Variants in PLCE1 observed in about 807,000 individuals in gnomAD.
PLCE1 encodes 1-phosphatidylinositol 4,5-bisphosphate phosphodiesterase epsilon-1.
In PLCE1, 119 loss-of-function variants were observed where a neutral mutation model predicts 242.8. That is an observed-to-expected ratio of 0.49 (90% CI 0.42 to 0.57). The LOEUF (loss-of-function observed/expected upper bound fraction) is 0.57, where lower values mean the gene tolerates loss of function less well. Ranked by LOEUF, PLCE1 falls within the 20% of genes least tolerant of loss-of-function variation. The pLI, the probability that PLCE1 is intolerant of heterozygous loss-of-function variation, is 0.00. For synonymous variants in PLCE1, 945 were observed against 1,017.4 expected (o/e 0.93, Z 1.35); for missense variants, 2,441 against 2,788.8 (o/e 0.88, Z 2.81).
At chr10:94,170,969 C>T (rs753952910) in intron 3 of PLCE1, among the ~76,000 whole-genome samples, 7 of 152,100 alleles carry the variant, frequency 4.6e-5, no homozygotes, top group African/African-American at 7.2e-5. Context: ...CCACCACCAC[C>T]GCCACTCCAC....
intron 4 of PLCE1, among the ~76,000 whole-genome samples, chr10:94,182,884 G>T (rs2048356402): frequency 6.6e-6 from 1 of 152,158 alleles, no homozygotes; most frequent in South Asian, 2.1e-4. Flanking sequence ...GAGACTGGTA[G>T]AAACAATAAT....
intron 4 of PLCE1, among the ~76,000 whole-genome samples, chr10:94,172,163 C>T (rs971110249): frequency 6.0e-4 from 92 of 152,224 alleles, no homozygotes; most frequent in African/African-American, 2.0e-3. Flanking sequence ...ACTGGGAGAT[C>T]AAGAGCCACT....
rs2051771196 is a variant in PLCE1, at chr10:94,272,199, C to T, written c.4507-1363C>T. On this transcript the variant is annotated intron_variant, in intron 18 of 32. Transcript: ENST00000371380. Reference sequence around the variant, plus strand: ...CAGGAGACCAGGGCATGTCTCAGTCCTTATCTCAACTGCATAGGACAGACA... The same window carrying T: ...CAGGAGACCAGGGCATGTCTCAGTCTTTATCTCAACTGCATAGGACAGACA... Among the ~76,000 whole-genome samples, 3 of 152,146 alleles carry T rather than the reference C, an allele frequency of 2.0e-5. No homozygotes were observed. The South Asian group carries it at 6.2e-4, about 32-fold the overall frequency.
chr10:94,226,548 T>G (rs2049946191), intron 4 of PLCE1, among the ~76,000 whole-genome samples: 1 of 152,174 alleles, frequency 6.6e-6, no homozygotes, highest in African/African-American at 2.4e-5. Flanking sequence ...TTGAGGGGCA[T>G]AATAGATAAA....
chr10:94,325,836 T>G (rs1263220287), intron 32 of PLCE1, among the ~76,000 whole-genome samples: 1 of 152,164 alleles, frequency 6.6e-6, no homozygotes, highest in Non-Finnish European at 1.5e-5. Context: ...TCTCGTTTTA[T>G]TACTGTTCTA....
chr10:94,195,658 C>G (rs1431809098), intron 4 of PLCE1, among the ~76,000 whole-genome samples: 1 of 152,052 alleles, frequency 6.6e-6, no homozygotes, highest in Non-Finnish European at 1.5e-5. Context: ...TCTTAGAAAT[C>G]CTTAAGAAAG....
chr10:94,242,208 T>G (rs1385897249), intron 7 of PLCE1, among the ~76,000 whole-genome samples: 1 of 152,250 alleles, frequency 6.6e-6, no homozygotes, highest in Admixed American at 6.5e-5. Context: ...GATTTTTTTC[T>G]TATTTCACTT....
intron 1 of PLCE1, among the ~76,000 whole-genome samples, chr10:94,009,714 C>T (rs547432576): frequency 1.7e-4 from 26 of 152,290 alleles, no homozygotes; most frequent in Admixed American, 2.6e-4. Flanking sequence ...GCAAGAAGCC[C>T]GAAGCAAATC....
chr10:94,212,103 C>T (rs192709655), intron 4 of PLCE1, among the ~76,000 whole-genome samples: 21 of 152,180 alleles, frequency 1.4e-4, no homozygotes, highest in African/African-American at 4.6e-4. Context: ...ATTTAGGAGA[C>T]TGAGTCTCCC....
intron 1 of PLCE1, among the ~76,000 whole-genome samples, chr10:94,003,569 C>T (rs1359688439): frequency 6.9e-6 from 1 of 144,370 alleles, no homozygotes; most frequent in Non-Finnish European, 1.5e-5. Context: ...ATTAGCTGTA[C>T]TTTAGCCATG....
intron 27 of PLCE1, among the ~76,000 whole-genome samples, chr10:94,310,259 T>A (rs1341899173): frequency 6.6e-6 from 1 of 152,190 alleles, no homozygotes; most frequent in Non-Finnish European, 1.5e-5. Flanking sequence ...CTTTCTGCTT[T>A]CTTTTCTGCC....
intron 14 of PLCE1, among the ~76,000 whole-genome samples, chr10:94,264,306 C>CCACA (rs1491114411): frequency 6.6e-6 from 1 of 151,984 alleles, no homozygotes; most frequent in East Asian, 1.9e-4. Flanking sequence ...ACCAAGACAG[C>CCACA]AGCAAGCTGG....
At chr10:94,012,085 C>A (rs983151589) in intron 1 of PLCE1, among the ~76,000 whole-genome samples, 9 of 152,104 alleles carry the variant, frequency 5.9e-5, no homozygotes, top group African/African-American at 9.7e-5. Flanking sequence ...GAAGCTGCAC[C>A]GTCCCAGGGT....
chr10:94,120,106 A>G (rs555133842), intron 2 of PLCE1, among the ~76,000 whole-genome samples: 1 of 152,110 alleles, frequency 6.6e-6, no homozygotes, highest in Admixed American at 6.5e-5. Context: ...GGGCTTTCCT[A>G]CTATTCTCTA....
At position 94,212,572 on chromosome 10, in the gene PLCE1, A is replaced by G. The variant is rs55862008; in HGVS notation, c.1810-14734A>G. 2.3e-3 allele frequency among the ~76,000 whole-genome samples: 344 copies of G among 152,076 alleles called. 2 individuals are homozygous for G. Among genetic ancestry groups the G allele is most frequent in the African/African-American group, 7.9e-3 (327 of 41,504 alleles). ...CGCCCAGCCAATTTTTGTATTTTTA[A>G]TAGAGATGGGGTTTCACCCTGTTGG... On this transcript the variant is annotated intron_variant, in intron 4 of 32. Transcript: ENST00000371380.
At chr10:94,219,295 T>C (rs998477530) in intron 4 of PLCE1, among the ~76,000 whole-genome samples, 1 of 152,168 alleles carries the variant, frequency 6.6e-6, no homozygotes, top group Non-Finnish European at 1.5e-5. Context: ...TCAAACAAAA[T>C]AAGAAATTGG....
chr10:94,257,417 T>G (rs1357756687), intron 11 of PLCE1, among the ~76,000 whole-genome samples: 2 of 152,116 alleles, frequency 1.3e-5, no homozygotes, highest in Non-Finnish European at 2.9e-5. Flanking sequence ...ATCCCATTAC[T>G]GGGCATATAC....
chr10:94,297,253 A>C (rs75184756), intron 23 of PLCE1, among the ~76,000 whole-genome samples: 3,141 of 152,100 alleles, frequency 0.021, 31 homozygotes, highest in South Asian at 0.04. Flanking sequence ...AATTGGCCTC[A>C]TGTCAGTATC....
At chr10:94,212,831 C>T (rs377464502) in intron 4 of PLCE1, among the ~76,000 whole-genome samples, 1 of 152,230 alleles carries the variant, frequency 6.6e-6, no homozygotes, top group South Asian at 2.1e-4. Flanking sequence ...GATAACAACA[C>T]TTTCCAGAAT....
Sources: gnomAD v4.1 joint callset for allele counts (sites outside exome capture counted in the v4.1 genomes callset) on GRCh38, gnomAD v4.1.1 for gene constraint, MANE v1.5 for transcripts, NCBI Gene and HGNC (gene_info 2026-07-23, HGNC 2026-07-21) for gene names.